The following SMC5 variants were observed in gnomAD, a reference collection of about 807,000 sequenced individuals.
SMC5 encodes structural maintenance of chromosomes protein 5.
A neutral mutation model predicts 148.3 loss-of-function variants in SMC5; 88 were observed. That is an observed-to-expected ratio of 0.59 (90% CI 0.50 to 0.71). The LOEUF is 0.71. SMC5 is among the 30% of genes least tolerant of loss of function. SMC5 has a pLI of 0.00. For synonymous variants in SMC5, 421 were observed against 432.8 expected (o/e 0.97, Z 0.34); for missense variants, 1,142 against 1,298.9 (o/e 0.88, Z 1.86).
In SMC5 at chr9:70,318,865, G is replaced by A. The variant is rs1403520519; in HGVS notation, c.2052G>A (p.Glu684=). 6.2e-7 allele frequency: 1 copy of A among 1,611,930 alleles called. No homozygotes were observed. Among genetic ancestry groups the A allele is most frequent in the Non-Finnish European group, 8.5e-7 (1 of 1,179,122 alleles). The change falls in exon 15 of 25, where the codon GAG becomes GAA. Residue 684 remains glutamate (E), a synonymous_variant. Transcript: ENST00000361138. ...IALRETSKHL[E]HKDNELRQKK... ...TACGTGAAACAAGCAAACATCTGGAGCACAAAGACAATGAACTTAGACAAA... is the reference window on the plus strand; with the variant it reads ...TACGTGAAACAAGCAAACATCTGGAACACAAAGACAATGAACTTAGACAAA...
chr9:70,267,199 C>T (rs1564020128), intron 2 of SMC5, among the ~76,000 whole-genome samples: 4 of 152,118 alleles, frequency 2.6e-5, no homozygotes, highest in Non-Finnish European at 2.9e-5. Flanking sequence ...GTTGTCATCA[C>T]TGTCATTATC....
chr9:70,298,147 A>G lies in SMC5; in HGVS notation c.1235A>G (p.Asp412Gly). ...AITNDLRRIQ[D>G]EKALCEGEII... is the part of the protein sequence containing the mutation. Reference sequence around the variant, plus strand: ...ACAAATGATCTGAGACGGATTCAGGATGAAAAGGCATTATGTGAAGGCGAA... The same window carrying G: ...ACAAATGATCTGAGACGGATTCAGGGTGAAAAGGCATTATGTGAAGGCGAA... Residue 412 changes from aspartate to glycine, a missense_variant, in exon 9 of 25, where the codon GAT becomes GGT. Asp to Gly is a moderately conservative substitution (Grantham distance 94). This residue lies in a region of SMC5 where 743 missense variants were observed against 835.7 expected (regional missense o/e 0.89). Transcript: ENST00000361138. The G allele has an allele frequency of 6.2e-7, 1 of 1,614,078 alleles. No homozygotes were observed. Among genetic ancestry groups the G allele is most frequent in the Non-Finnish European group, 8.5e-7 (1 of 1,179,950 alleles).
rs368308674 is a variant in SMC5 at position 70,259,033 on chromosome 9, C to T, written c.-46C>T. 35 of 1,540,258 alleles carry T rather than the reference C, an allele frequency of 2.3e-5. No individual in the cohort carries two copies. Among genetic ancestry groups the T allele is most frequent in the African/African-American group, 1.4e-4 (10 of 72,390 alleles). On this transcript the variant is annotated 5_prime_UTR_variant, in exon 1 of 25. Transcript: ENST00000361138. ...ATGGGCGCTTGGGCGCCTGGGCTGC[C>T]GGACGGTGGGAACGGAAGTCGCTGT...
intron 15 of SMC5, among the ~76,000 whole-genome samples, chr9:70,319,475 T>C (rs927394318): frequency 6.6e-6 from 1 of 152,218 alleles, no homozygotes; most frequent in Non-Finnish European, 1.5e-5. Flanking sequence ...TTTTCCCTAC[T>C]TAATTCTGTA....
At chr9:70,303,156 G>A (rs893563837) in intron 10 of SMC5, among the ~76,000 whole-genome samples, 2 of 151,986 alleles carry the variant, frequency 1.3e-5, no homozygotes, top group African/African-American at 4.8e-5. Flanking sequence ...GAGCCTGGGA[G>A]GTCGAGGCTG....
intron 3 of SMC5, among the ~76,000 whole-genome samples, chr9:70,275,515 T>G (rs1314026262): frequency 6.6e-6 from 1 of 152,208 alleles, no homozygotes; most frequent in African/African-American, 2.4e-5. Flanking sequence ...TGTTGTCTTC[T>G]AATGTGAATC....
At chr9:70,294,906 C>T (rs1375968284) in intron 8 of SMC5, among the ~76,000 whole-genome samples, 2 of 151,984 alleles carry the variant, frequency 1.3e-5, no homozygotes, top group South Asian at 2.1e-4. Context: ...CACAGTCATC[C>T]CTGAATGGAT....
At chr9:70,305,092 G>A (rs977247840) in intron 10 of SMC5, among the ~76,000 whole-genome samples, 155 bp from the exon 11 acceptor site, 1 of 152,030 alleles carries the variant, frequency 6.6e-6, no homozygotes, top group African/African-American at 2.4e-5. Flanking sequence ...TAATGGATTA[G>A]ATGTTTTAAA....
At chr9:70,275,228 GTTTTGT>G (rs916401712) in intron 3 of SMC5, among the ~76,000 whole-genome samples, 23 of 151,780 alleles carry the variant, frequency 1.5e-4, no homozygotes, top group Middle Eastern at 6.8e-3. Context: ...TTTTTTTGTT[GTTTTGT>G]TTTTGTTTTT....
In SMC5 at chr9:70,259,114, C is replaced by T. The variant is rs1249766173; in HGVS notation, c.36C>T (p.Ser12=). 6.2e-7 allele frequency: 1 copy of T among 1,611,458 alleles called. No homozygotes were observed. The highest frequency in any genetic ancestry group is 8.5e-7 in the Non-Finnish European group (1 of 1,178,752). The change falls in exon 1 of 25, where the codon AGC becomes AGT. Residue 12 remains serine (S), a synonymous_variant. Coordinates refer to ENST00000361138, the MANE Select transcript of SMC5 (RefSeq NM_015110.4). ...CGAGCAAGAAGACGTCAACTCCAAG[C>T]CCCCAGCCTTCCAAGAGAGCTCTCC... ...ATPSKKTSTP[S]PQPSKRALPR...
At chr9:70,285,074 A>G (rs2034859992) in intron 7 of SMC5, among the ~76,000 whole-genome samples, 1 of 152,162 alleles carries the variant, frequency 6.6e-6, no homozygotes, top group Admixed American at 6.6e-5. Flanking sequence ...ATCTTACATG[A>G]TTAGCATGTA....
At chr9:70,316,927 A>G (rs1301326604) in intron 13 of SMC5, among the ~76,000 whole-genome samples, 1 of 151,946 alleles carries the variant, frequency 6.6e-6, no homozygotes, top group African/African-American at 2.4e-5. Flanking sequence ...ATTAATCTTA[A>G]TCTCTTTGGT....
chr9:70,265,821 G>A (rs1264205026), intron 2 of SMC5, among the ~76,000 whole-genome samples: 1 of 152,154 alleles, frequency 6.6e-6, no homozygotes, highest in African/African-American at 2.4e-5. Flanking sequence ...AAGATAATTC[G>A]ATTCCCAACT....
intron 7 of SMC5, among the ~76,000 whole-genome samples, chr9:70,284,726 A>C (rs569680156): frequency 6.6e-6 from 1 of 152,328 alleles, no homozygotes; most frequent in South Asian, 2.1e-4. Flanking sequence ...TTATTTTCCT[A>C]AAGAAATAAT....
At chr9:70,336,916 A>G (rs564193416) in intron 17 of SMC5, among the ~76,000 whole-genome samples, 31 of 152,346 alleles carry the variant, frequency 2.0e-4, no homozygotes, top group Middle Eastern at 3.4e-3. Context: ...ACAGTTCCAT[A>G]TGGCTGGGGA....
chr9:70,289,445 T>C (rs2034999288), intron 8 of SMC5, among the ~76,000 whole-genome samples: 1 of 152,202 alleles, frequency 6.6e-6, no homozygotes, highest in Non-Finnish European at 1.5e-5. Flanking sequence ...AAAGCTTTCT[T>C]ATTTTGTTTT....
intron 12 of SMC5, 41 bp downstream of exon 12, chr9:70,314,877 T>C: frequency 8.9e-7 from 1 of 1,121,490 alleles, no homozygotes; most frequent in Non-Finnish European, 1.3e-6. Flanking sequence ...AATATTGAAT[T>C]ATTCAACATT....
rs1212665250 is a variant in SMC5, at chr9:70,347,211, C to G, written c.2664+50C>G. 3 of 1,451,776 alleles carry G rather than the reference C, an allele frequency of 2.1e-6. No homozygotes were observed. The Admixed American group carries it at 5.1e-5, about 25-fold the overall frequency. The allele number at this position is 1,451,776 out of a possible 1,614,324, so 89.9% of individuals were successfully genotyped here. A position where few individuals can be genotyped will look rare whatever the true frequency, so the allele number is the denominator to read the frequency against. On this transcript the variant is annotated intron_variant, in intron 20 of 24. Transcript: ENST00000361138. ...TCTGCATCCAACCACCACCACCACC[C>G]TCCCCATACACACACATACACACAC... is the stretch of plus-strand genomic sequence containing the variant.
intron 2 of SMC5, among the ~76,000 whole-genome samples, chr9:70,265,853 C>T (rs1475445647): frequency 6.6e-6 from 1 of 152,120 alleles, no homozygotes; most frequent in Non-Finnish European, 1.5e-5. Context: ...TATAATCTAG[C>T]TCCAAAATAT....
Sources: allele counts gnomAD v4.1 joint callset (sites outside exome capture counted in the v4.1 genomes callset), GRCh38; gene constraint gnomAD v4.1.1; regional missense constraint gnomAD v4.1.1; transcripts MANE v1.5; gene names NCBI Gene and HGNC (gene_info 2026-07-23, HGNC 2026-07-21).